The following COP1 variants were observed in gnomAD, a reference collection of about 807,000 sequenced individuals.
COP1 encodes the protein E3 ubiquitin-protein ligase COP1.
In COP1, 24 loss-of-function variants were observed where a neutral mutation model predicts 101.3. That is an observed-to-expected ratio of 0.24 (90% CI 0.17 to 0.33). The LOEUF is 0.33. Ranked by LOEUF, COP1 falls within the 10% of genes least tolerant of loss-of-function variation. The pLI, the probability that COP1 is intolerant of heterozygous loss-of-function variation, is 1.00. For synonymous variants in COP1, 347 were observed against 341.9 expected (o/e 1.01, Z -0.17); for missense variants, 663 against 906.2 (o/e 0.73, Z 3.45).
chr1:176,116,414 G>A (rs16849571), intron 9 of COP1, among the ~76,000 whole-genome samples: 4,349 of 152,274 alleles, frequency 0.029, 138 homozygotes, highest in South Asian at 0.14. Context: ...ACTTGGTGAA[G>A]AAAATAAATT....
In COP1 at chr1:175,945,013, GA is replaced by G. The variant is rs928408734; in HGVS notation, c.*139del. 4.3e-5 allele frequency: 31 copies of G among 715,814 alleles called. No individual in the cohort carries two copies. The highest frequency in any genetic ancestry group is 6.8e-5 in the Non-Finnish European group (29 of 425,300). The allele number at this position is 715,814 out of a possible 1,614,324, so 44.3% of individuals were successfully genotyped here. The stretch of plus-strand genomic sequence containing the variant: ...TCATAAAGGAGGGAAAAGAAAAAAA[GA>G]AAAAAATATTCAAAACAAATCCAAA... On this transcript the variant is annotated 3_prime_UTR_variant, in exon 20 of 20. Coordinates refer to ENST00000367669, the MANE Select transcript of COP1 (RefSeq NM_022457.7).
chr1:175,993,553 G>T (rs1040274378), intron 15 of COP1, among the ~76,000 whole-genome samples: 2 of 152,186 alleles, frequency 1.3e-5, no homozygotes, highest in African/African-American at 4.8e-5. Flanking sequence ...GCTTAAAGGA[G>T]CTGATGGAGC....
chr1:176,093,775 G>A (rs1039155575), intron 9 of COP1, among the ~76,000 whole-genome samples: 2 of 152,116 alleles, frequency 1.3e-5, no homozygotes, highest in Non-Finnish European at 2.9e-5. Flanking sequence ...GGGAGGCGGA[G>A]CCTGCAGTGA....
intron 15 of COP1, among the ~76,000 whole-genome samples, chr1:176,014,087 A>G (rs957395708): frequency 2.0e-5 from 3 of 152,224 alleles, no homozygotes; most frequent in Non-Finnish European, 2.9e-5. Flanking sequence ...GGTGGAGAAT[A>G]AAGGGTGCAC....
At chr1:176,104,820 T>C (rs1399135543) in intron 9 of COP1, among the ~76,000 whole-genome samples, 1 of 152,098 alleles carries the variant, frequency 6.6e-6, no homozygotes. Flanking sequence ...TCCAATAATA[T>C]GAAAATACAT....
At chr1:176,057,460 G>T (rs866359407) in intron 11 of COP1, among the ~76,000 whole-genome samples, 1 of 151,714 alleles carries the variant, frequency 6.6e-6, no homozygotes, top group African/African-American at 2.4e-5. Context: ...TCAGCCTGCC[G>T]AGTGCCTGCG....
chr1:176,027,877 T>C (rs899929617), intron 14 of COP1, among the ~76,000 whole-genome samples, 189 bp from the exon 15 acceptor site: 2 of 141,062 alleles, frequency 1.4e-5, no homozygotes, highest in Admixed American at 7.7e-5. Flanking sequence ...AATAAAAAGA[T>C]ACCTGAAACT....
intron 11 of COP1, among the ~76,000 whole-genome samples, chr1:176,076,244 A>T (rs577558258): frequency 2.4e-4 from 37 of 151,714 alleles, no homozygotes; most frequent in African/African-American, 8.2e-4. Flanking sequence ...TCAATAAATT[A>T]AAAAAAAATC....
At position 176,173,324 on chromosome 1, in the gene COP1, G is replaced by GAAAAA. The variant is rs11396126; in HGVS notation, c.565+2581_565+2585dup. Among the ~76,000 whole-genome samples the GAAAAA allele has an allele frequency of 6.3e-4, 59 of 93,736 alleles. 1 individual carries two copies. Among genetic ancestry groups the GAAAAA allele is most frequent in the East Asian group, 1.4e-3 (4 of 2,904 alleles). The allele number at this position is 93,736 out of a possible 152,430, so 61.5% of individuals were successfully genotyped here. ...AGACTTTGTCTCAAAAAAACAAAAT[G>GAAAAA]AAAAAAAAAAAAAAAAAAAACCAGT... On this transcript the variant is annotated intron_variant, in intron 3 of 19. Transcript: ENST00000367669.
rs75267413 is a variant in COP1, at chr1:175,999,624, C to G, written c.1730-10145G>C. On this transcript the variant is annotated intron_variant, in intron 15 of 19. Transcript: ENST00000367669. ...AAGTTGCCTTTCTGTTGGGTATATA[C>G]CCAGCAGTGGGACTGCTGGGTAATA... 7.0e-3 allele frequency among the ~76,000 whole-genome samples: 1,062 copies of G among 152,148 alleles called. 30 individuals are homozygous for G. In the South Asian group the frequency reaches 0.078, roughly 11 times the overall value.
At chr1:176,066,676 A>G (rs1002353171) in intron 11 of COP1, among the ~76,000 whole-genome samples, 6 of 152,234 alleles carry the variant, frequency 3.9e-5, no homozygotes, top group Non-Finnish European at 7.3e-5. Context: ...CTGCAGGTCA[A>G]TCACCAAGAT....
intron 1 of COP1, among the ~76,000 whole-genome samples, chr1:176,195,787 G>A (rs1245720769): frequency 6.6e-6 from 1 of 152,146 alleles, no homozygotes; most frequent in East Asian, 1.9e-4. Flanking sequence ...CACAAAAACA[G>A]AAAACCAAAT....
Position 176,136,472 on chromosome 1 carries a change from ATTC to A in COP1, c.891+13_891+15del. On this transcript the variant is annotated intron_variant, in intron 7 of 19. Coordinates refer to ENST00000367669, the MANE Select transcript of COP1 (RefSeq NM_022457.7). The stretch of plus-strand genomic sequence containing the variant: ...TGAAAAATTGCTAAGGATGTGAGAA[ATTC>A]TTGATTCCTTACTTCCACTCTCTTA... 3 of 1,562,174 alleles carry A rather than the reference ATTC, an allele frequency of 1.9e-6. No individual in the cohort carries two copies. Among genetic ancestry groups the A allele is most frequent in the East Asian group, 2.3e-5 (1 of 44,014 alleles).
At chr1:175,952,695 G>C (rs1365592876) in intron 18 of COP1, among the ~76,000 whole-genome samples, 2 of 152,066 alleles carry the variant, frequency 1.3e-5, no homozygotes, top group Non-Finnish European at 2.9e-5. Flanking sequence ...GATCATCTGA[G>C]CTCAGGAGTT....
chr1:175,982,001 G>A (rs1211351939), intron 18 of COP1, among the ~76,000 whole-genome samples: 1 of 151,958 alleles, frequency 6.6e-6, no homozygotes, highest in Non-Finnish European at 1.5e-5. Context: ...GAAGTGGGGT[G>A]TGTTAAAAAA....
intron 15 of COP1, among the ~76,000 whole-genome samples, chr1:175,995,882 C>A (rs1660019855): frequency 6.6e-6 from 1 of 152,114 alleles, no homozygotes; most frequent in Admixed American, 6.6e-5. Flanking sequence ...AGAGAATCCT[C>A]CCTAACTCAT....
At chr1:176,174,569 A>G (rs1696641526) in intron 3 of COP1, among the ~76,000 whole-genome samples, 1 of 152,232 alleles carries the variant, frequency 6.6e-6, no homozygotes, top group South Asian at 2.1e-4. Context: ...ATAAAAAAAA[A>G]ATTACAGTGA....
chr1:176,161,770 T>C (rs1393710404), intron 5 of COP1, among the ~76,000 whole-genome samples: 1 of 152,070 alleles, frequency 6.6e-6, no homozygotes, highest in Non-Finnish European at 1.5e-5. Flanking sequence ...GTTAAAACCG[T>C]AAGAGAAATT....
At chr1:176,091,730 G>A (rs1257331995) in intron 9 of COP1, among the ~76,000 whole-genome samples, 1 of 151,344 alleles carries the variant, frequency 6.6e-6, no homozygotes, top group Non-Finnish European at 1.5e-5. Context: ...TGGTGGGGGA[G>A]GTAAAAACGT....
Sources: allele counts gnomAD v4.1 joint callset (sites outside exome capture counted in the v4.1 genomes callset), GRCh38; gene constraint gnomAD v4.1.1; transcripts MANE v1.5; gene names NCBI Gene and HGNC (gene_info 2026-07-23, HGNC 2026-07-21).